RSRC1: variants seen among roughly 807,000 people sequenced by gnomAD.
RSRC1 encodes serine/Arginine-related protein 53.
RSRC1 carries 39 observed loss-of-function variants against 49.1 expected under a neutral mutation model. The ratio of observed to expected loss-of-function variants is 0.79; its 90% CI spans 0.61 to 1.04. The LOEUF (loss-of-function observed/expected upper bound fraction) is 1.04, where lower values mean the gene tolerates loss of function less well. RSRC1 is among the 50% of genes least tolerant of loss of function. The probability of loss-of-function intolerance (pLI) is 0.00; values close to 1 mark genes in which losing one functional copy is unlikely to be tolerated. For synonymous variants in RSRC1, 143 were observed against 130.8 expected, an observed-to-expected ratio of 1.09 and a Z score of -0.63; for missense variants, 388 against 402.4, an observed-to-expected ratio of 0.96 and a Z score of 0.31.
At chr3:158,426,298 C>T (rs989372057) in intron 6 of RSRC1, among the ~76,000 whole-genome samples, 11 of 151,016 alleles carry the variant, frequency 7.3e-5, no homozygotes, top group Non-Finnish European at 1.5e-5. Flanking sequence ...AACATAGTTT[C>T]AATGTATATA....
intron 7 of RSRC1, among the ~76,000 whole-genome samples, chr3:158,500,150 T>A (rs1219794834): frequency 6.6e-6 from 1 of 152,230 alleles, no homozygotes; most frequent in Non-Finnish European, 1.5e-5. Context: ...TAATTATGCT[T>A]ATGTGGTGTA....
At chr3:158,533,574 C>T (rs1460840063) in intron 7 of RSRC1, among the ~76,000 whole-genome samples, 3 of 151,674 alleles carry the variant, frequency 2.0e-5, no homozygotes, top group Non-Finnish European at 3.0e-5. Context: ...GAGGTCACCT[C>T]TGACATTTAA....
intron 3 of RSRC1, chr3:158,137,040 C>T (rs774963607): frequency 6.6e-6 from 1 of 152,116 alleles, no homozygotes; most frequent in Non-Finnish European, 1.5e-5. Context: ...AATAAAGAAG[C>T]CCAGACCATG....
chr3:158,512,039 GT>G lies in RSRC1; in HGVS notation c.653-25051del, dbSNP rs1198576699. Reference sequence around the variant, plus strand: ...TATTAGCCCTTTGTCAGATGAGTAGGTTGCGAAAATTTTCTCCCATTTTGTA... The same window carrying G: ...TATTAGCCCTTTGTCAGATGAGTAGGTGCGAAAATTTTCTCCCATTTTGTA... On this transcript the variant is annotated intron_variant, in intron 7 of 9. Coordinates refer to ENST00000611884, the MANE Select transcript of RSRC1 (RefSeq NM_001271838.2). Among the ~76,000 whole-genome samples the G allele has an allele frequency of 3.4e-5, 5 of 144,928 alleles. No homozygotes were observed. The East Asian group carries it at 8.0e-4, about 23-fold the overall frequency.
rs10603914 is a variant in RSRC1, at chr3:158,478,948, C to CAAA, written c.652+17960_652+17962dup. On this transcript the variant is annotated intron_variant, in intron 7 of 9. Transcript: ENST00000611884. ...TAACTAAAGATACAAGGAGAAAAAG[C>CAAA]AAAAAAAAAAAAAAAAACCTTACTG... 6.3e-3 allele frequency among the ~76,000 whole-genome samples: 703 copies of CAAA among 112,240 alleles called. 11 individuals carry two copies. Among genetic ancestry groups the CAAA allele is most frequent in the African/African-American group, 0.021 (677 of 31,988 alleles). 73.6% of individuals were successfully genotyped at this position (112,240 alleles called of 152,430 possible). A position where few individuals can be genotyped will look rare whatever the true frequency, so the allele number is the denominator to read the frequency against.
chr3:158,191,509 G>A (rs902337260), intron 3 of RSRC1, among the ~76,000 whole-genome samples: 15 of 152,116 alleles, frequency 9.9e-5, no homozygotes, highest in African/African-American at 3.6e-4. Context: ...TTTTAAGTCA[G>A]TAATTCATTT....
intron 4 of RSRC1, among the ~76,000 whole-genome samples, chr3:158,260,512 G>C (rs535382523): frequency 6.6e-6 from 1 of 152,098 alleles, no homozygotes; most frequent in Non-Finnish European, 1.5e-5. Flanking sequence ...AGCTGCACCT[G>C]TTCTGCCTGG....
At chr3:158,310,740 A>T (rs1005283143) in intron 5 of RSRC1, among the ~76,000 whole-genome samples, 1 of 151,864 alleles carries the variant, frequency 6.6e-6, no homozygotes, top group African/African-American at 2.4e-5. Context: ...TTATATAAAC[A>T]TTAAATATAA....
intron 5 of RSRC1, among the ~76,000 whole-genome samples, chr3:158,329,105 TCTCTA>T (rs544302452): frequency 2.8e-3 from 433 of 152,338 alleles, no homozygotes; most frequent in Non-Finnish European, 5.1e-3. Context: ...TTTAAGGACT[TCTCTA>T]CTCTGGTTAT....
intron 7 of RSRC1, among the ~76,000 whole-genome samples, chr3:158,486,021 TTGAC>T (rs1301279187): frequency 6.6e-6 from 1 of 152,188 alleles, no homozygotes; most frequent in African/African-American, 2.4e-5. Flanking sequence ...AAGTGCTTGC[TTGAC>T]TATTTAACAG....
intron 6 of RSRC1, among the ~76,000 whole-genome samples, chr3:158,405,317 A>G (rs74388180): frequency 1.0e-3 from 152 of 152,206 alleles, no homozygotes; most frequent in African/African-American, 3.4e-3. Flanking sequence ...CTATATCTAC[A>G]TACAGTTTTA....
At chr3:158,224,251 TA>T (rs1351848990) in intron 4 of RSRC1, among the ~76,000 whole-genome samples, 1 of 151,892 alleles carries the variant, frequency 6.6e-6, no homozygotes, top group Non-Finnish European at 1.5e-5. Context: ...TTTTGATTTT[TA>T]AAAATTATCG....
chr3:158,241,434 G>A (rs1190742213), intron 4 of RSRC1, among the ~76,000 whole-genome samples: 3 of 151,886 alleles, frequency 2.0e-5, no homozygotes, highest in Admixed American at 1.3e-4. Context: ...CACTCTGGCT[G>A]GGGACAGAGC....
chr3:158,232,045 G>A (rs1277464136), intron 4 of RSRC1, among the ~76,000 whole-genome samples: 1 of 152,034 alleles, frequency 6.6e-6, no homozygotes, highest in South Asian at 2.1e-4. Context: ...CTTTTTTTCT[G>A]TTTTAATGTT....
intron 7 of RSRC1, among the ~76,000 whole-genome samples, chr3:158,514,999 G>T (rs1740426444): frequency 6.6e-6 from 1 of 151,244 alleles, no homozygotes; most frequent in African/African-American, 2.4e-5. Context: ...TTTATTTTGA[G>T]CCTATGTGTG....
rs1156288080 is a variant in RSRC1 at position 158,118,458 on chromosome 3, TGTGTGC to T, written c.-2-3643_-2-3638del. Among the ~76,000 whole-genome samples, 304 of 119,876 alleles carry T rather than the reference TGTGTGC, an allele frequency of 2.5e-3. 4 individuals are homozygous for T. The highest frequency in any genetic ancestry group is 9.9e-3 in the African/African-American group (268 of 26,940). 78.6% of individuals were successfully genotyped at this position (119,876 alleles called of 152,430 possible). Reference sequence around the variant, plus strand: ...GTGTGTGTGTGTGTGTGTGTGTGTGTGTGTGCGCGTGCGCGTGGTTTTTTTAAATTG... The same window carrying T: ...GTGTGTGTGTGTGTGTGTGTGTGTGTGCGTGCGCGTGGTTTTTTTAAATTG... On this transcript the variant is annotated intron_variant, in intron 1 of 9. Transcript: ENST00000611884.
chr3:158,247,095 ATTC>A (rs1723944043), intron 4 of RSRC1, among the ~76,000 whole-genome samples: 1 of 150,762 alleles, frequency 6.6e-6, no homozygotes, highest in African/African-American at 2.4e-5. Flanking sequence ...TTTTTTCTCT[ATTC>A]TTGTTTGCCT....
chr3:158,535,450 G>A (rs946826416), intron 7 of RSRC1, among the ~76,000 whole-genome samples: 3 of 151,280 alleles, frequency 2.0e-5, no homozygotes, highest in Admixed American at 2.0e-4. Flanking sequence ...CATATTAACT[G>A]TTTCCTTCTA....
chr3:158,430,465 T>C (rs1735723519), intron 6 of RSRC1, among the ~76,000 whole-genome samples: 1 of 151,874 alleles, frequency 6.6e-6, no homozygotes, highest in Admixed American at 6.6e-5. Flanking sequence ...TAATATAAAT[T>C]ATTGGTTAAG....
Sources: gnomAD v4.1 joint callset for allele counts (sites outside exome capture counted in the v4.1 genomes callset) on GRCh38, gnomAD v4.1.1 for gene constraint, MANE v1.5 for transcripts, NCBI Gene and HGNC (gene_info 2026-07-23, HGNC 2026-07-21) for gene names.